PAIP1: variants seen among roughly 807,000 people sequenced by gnomAD.
The protein encoded by PAIP1 is polyadenylate-binding protein-interacting protein 1.
A neutral mutation model predicts 61.3 loss-of-function variants in PAIP1; 16 were observed. The observed-to-expected ratio is 0.26, with a 90% CI of 0.18 to 0.40. PAIP1 has a LOEUF of 0.40. Ranked by LOEUF, PAIP1 falls within the 10% of genes least tolerant of loss-of-function variation. The probability of loss-of-function intolerance (pLI) is 1.00; values close to 1 mark genes in which losing one functional copy is unlikely to be tolerated. For missense variants in PAIP1, 416 were observed against 600.9 expected, an observed-to-expected ratio of 0.69 and a Z score of 3.22; for synonymous variants, 187 against 226.2, an observed-to-expected ratio of 0.83 and a Z score of 1.56.
chr5:43,529,508 ATTC>A (rs1165235841), intron 10 of PAIP1, among the ~76,000 whole-genome samples: 1 of 152,060 alleles, frequency 6.6e-6, no homozygotes, highest in African/African-American at 2.4e-5. Context: ...AGTTCAAGCA[ATTC>A]TTGTGCCTCA....
At chr5:43,548,830 A>G (rs1370504061) in intron 2 of PAIP1, among the ~76,000 whole-genome samples, 2 of 152,256 alleles carry the variant, frequency 1.3e-5, no homozygotes, top group Non-Finnish European at 2.9e-5. Flanking sequence ...TATGACTACA[A>G]AACAGAAGCA....
rs1005447489 is a variant in PAIP1, at chr5:43,548,391, T to TG, written c.436-479dup. On this transcript the variant is annotated intron_variant, in intron 2 of 10. Coordinates refer to ENST00000306846, the MANE Select transcript of PAIP1 (RefSeq NM_006451.5). ...CTGCAAATGTTGACAACTTTTTTAT[T>TG]GGGGAAAAAAAAAACAAAAACAAAA... is the stretch of plus-strand genomic sequence containing the variant. 2.0e-4 allele frequency among the ~76,000 whole-genome samples: 23 copies of TG among 112,710 alleles called. No homozygotes were observed. The East Asian group carries it at 4.2e-3, about 20-fold the overall frequency. 73.9% of individuals were successfully genotyped at this position (112,710 alleles called of 152,430 possible). A position where few individuals can be genotyped will look rare whatever the true frequency, so the allele number is the denominator to read the frequency against.
intron 1 of PAIP1, 36 bp from the exon 2 acceptor site, chr5:43,556,035 TCTTTC>T: frequency 6.2e-7 from 1 of 1,600,488 alleles, no homozygotes; most frequent in Non-Finnish European, 8.5e-7. Flanking sequence ...TCAGATGCAT[TCTTTC>T]CTTTGTACAG....
At chr5:43,553,050 A>AG (rs1747925341) in intron 2 of PAIP1, among the ~76,000 whole-genome samples, 1 of 119,494 alleles carries the variant, frequency 8.4e-6, no homozygotes, top group African/African-American at 4.0e-5. Context: ...GGATTCTCTT[A>AG]GAAAAAAAGC....
At chr5:43,537,050 CAA>C (rs1747184619) in intron 5 of PAIP1, 106 bp from the exon 6 acceptor site, 4 of 702,020 alleles carry the variant, frequency 5.7e-6, no homozygotes, top group Non-Finnish European at 9.1e-6. Context: ...AGCTAAATCA[CAA>C]AAGTCACAGG....
intron 2 of PAIP1, among the ~76,000 whole-genome samples, chr5:43,548,162 T>C (rs79516479): frequency 0.012 from 1,852 of 152,362 alleles, 39 homozygotes; most frequent in African/African-American, 0.043. Flanking sequence ...ACTTCTAAGA[T>C]GGCTGAGGAA....
At chr5:43,543,137 G>A (rs763587957) in intron 3 of PAIP1, 21 bp from the exon 4 acceptor site, 1 of 1,225,420 alleles carries the variant, frequency 8.2e-7, no homozygotes, top group Non-Finnish European at 1.2e-6. Context: ...GAAGAAAAGT[G>A]TTATATGACA....
chr5:43,532,761 A>T (rs1245509372), intron 9 of PAIP1, among the ~76,000 whole-genome samples: 1 of 152,256 alleles, frequency 6.6e-6, no homozygotes, highest in Non-Finnish European at 1.5e-5. Context: ...ATTACAGATC[A>T]GTAAGACAGA....
chr5:43,537,739 T>G (rs1215671968), intron 5 of PAIP1, among the ~76,000 whole-genome samples: 1 of 152,164 alleles, frequency 6.6e-6, no homozygotes, highest in Non-Finnish European at 1.5e-5. Flanking sequence ...CTCATGCCTG[T>G]AATCCCAGCA....
chr5:43,549,779 G>A lies in PAIP1; in HGVS notation c.436-1866C>T, dbSNP rs1747792495. Among the ~76,000 whole-genome samples, 3 of 151,946 alleles carry A rather than the reference G, an allele frequency of 2.0e-5. No individual in the cohort carries two copies. In the South Asian group the frequency reaches 6.2e-4, roughly 32 times the overall value. ...CTGTCACCCAGGCTGGAGTACAGTG[G>A]CAAGATCTTGGCTCACTGCAACCTC... On this transcript the variant is annotated intron_variant, in intron 2 of 10. Transcript: ENST00000306846.
chr5:43,534,737 G>T, intron 8 of PAIP1, 116 bp downstream of exon 8: 1 of 656,858 alleles, frequency 1.5e-6, no homozygotes. Flanking sequence ...GTCACTCAAA[G>T]CCAGTGAAGA....
Position 43,556,771 on chromosome 5 carries a change from G to A in PAIP1, c.76C>T (p.Pro26Ser). 2.8e-6 allele frequency: 4 copies of A among 1,436,358 alleles called. No homozygotes were observed. Among genetic ancestry groups the A allele is most frequent in the South Asian group, 1.4e-5 (1 of 71,402 alleles). The allele number at this position is 1,436,358 out of a possible 1,614,324, so 89.0% of individuals were successfully genotyped here. A position where few individuals can be genotyped will look rare whatever the true frequency, so the allele number is the denominator to read the frequency against. Reference protein sequence around the residue: ...SRGLGRGGGGPEGGGFPNGAG... With the variant: ...SRGLGRGGGGSEGGGFPNGAG... ...CCGTTCGGGAAACCGCCGCCCTCAG[G>A]CCCGCCCCCTCCGCGGCCCAGGCCC... The change falls in exon 1 of 11, where the codon CCT becomes TCT. Residue 26 changes from proline to serine, a missense_variant. Transcript: ENST00000306846.
At chr5:43,553,423 A>G (rs374715862) in intron 2 of PAIP1, among the ~76,000 whole-genome samples, 10 of 152,310 alleles carry the variant, frequency 6.6e-5, no homozygotes, top group African/African-American at 2.4e-4. Context: ...CTGCAAACTG[A>G]GCCAGGAGAC....
chr5:43,530,600 CTG>C (rs1336005706), intron 9 of PAIP1, among the ~76,000 whole-genome samples: 1 of 152,220 alleles, frequency 6.6e-6, no homozygotes, highest in East Asian at 1.9e-4. Flanking sequence ...TCTTCCAAGA[CTG>C]TGTCAGTCTG....
chr5:43,535,004 CA>C, intron 7 of PAIP1, 34 bp from the exon 8 acceptor site: 1 of 1,142,146 alleles, frequency 8.8e-7, no homozygotes, highest in South Asian at 1.2e-5. Context: ...TTAGTGTATC[CA>C]CCATAAGGGC....
At chr5:43,539,148 C>A in intron 4 of PAIP1, 113 bp from the exon 5 acceptor site, 1 of 674,890 alleles carries the variant, frequency 1.5e-6, no homozygotes, top group East Asian at 2.6e-5. Context: ...GACAATGTCC[C>A]AATGCTCTTT....
chr5:43,556,472 G>A (rs1313318536), intron 1 of PAIP1, 110 bp downstream of exon 1: 12 of 1,200,666 alleles, frequency 1.0e-5, no homozygotes, highest in African/African-American at 1.6e-5. Flanking sequence ...GAATGCTTTC[G>A]GGGAACCGGG....
At chr5:43,540,768 T>C (rs1747366535) in intron 4 of PAIP1, among the ~76,000 whole-genome samples, 1 of 152,202 alleles carries the variant, frequency 6.6e-6, no homozygotes, top group African/African-American at 2.4e-5. Context: ...TGGGTAACAG[T>C]CAATGAGAAG....
chr5:43,555,767 A>G (rs914657191), intron 2 of PAIP1, 63 bp downstream of exon 2: 14 of 1,399,468 alleles, frequency 1.0e-5, no homozygotes, highest in Admixed American at 2.2e-5. Flanking sequence ...TCTGATTAAC[A>G]AAGTAACAAC....
Sources: allele counts gnomAD v4.1 joint callset (sites outside exome capture counted in the v4.1 genomes callset), GRCh38; gene constraint gnomAD v4.1.1; transcripts MANE v1.5; gene names NCBI Gene and HGNC (gene_info 2026-07-23, HGNC 2026-07-21).